Variants in SDAD1 observed in about 807,000 individuals in gnomAD.
The protein encoded by SDAD1 is protein SDA1 homolog.
SDAD1 carries 79 observed loss-of-function variants against 100.3 expected under a neutral mutation model. The ratio of observed to expected loss-of-function variants is 0.79; its 90% CI spans 0.66 to 0.95. The LOEUF (loss-of-function observed/expected upper bound fraction) is 0.95, where lower values mean the gene tolerates loss of function less well. Ranked by LOEUF, SDAD1 falls within the 40% of genes least tolerant of loss-of-function variation. The pLI is 0.00. For synonymous variants in SDAD1, 267 were observed against 271.4 expected, an observed-to-expected ratio of 0.98 and a Z score of 0.16; for missense variants, 790 against 810.9, an observed-to-expected ratio of 0.97 and a Z score of 0.31.
intron 1 of SDAD1, among the ~76,000 whole-genome samples, chr4:75,990,113 A>G (rs1731152619): frequency 6.6e-6 from 1 of 152,186 alleles, no homozygotes; most frequent in Admixed American, 6.5e-5. Context: ...AACTTACATG[A>G]GGTCAGTACA....
At chr4:75,973,986 C>A in intron 7 of SDAD1, 90 bp downstream of exon 7, 1 of 1,060,964 alleles carries the variant, frequency 9.4e-7, no homozygotes, top group Non-Finnish European at 1.5e-6. Flanking sequence ...TGCAGGCATG[C>A]AGTTTATGCT....
intron 21 of SDAD1, among the ~76,000 whole-genome samples, chr4:75,953,338 A>AT (rs1468438079): frequency 2.0e-5 from 3 of 152,244 alleles, no homozygotes; most frequent in Non-Finnish European, 4.4e-5. Flanking sequence ...TAACTAAAAT[A>AT]TAACAAGCTC....
chr4:75,981,905 G>T, intron 2 of SDAD1, 28 bp downstream of exon 2: 2 of 1,432,336 alleles, frequency 1.4e-6, no homozygotes, highest in Non-Finnish European at 2.0e-6. Context: ...GTTAATACTG[G>T]TCTTTATTTA....
intron 3 of SDAD1, among the ~76,000 whole-genome samples, chr4:75,979,617 G>A (rs1006552887): frequency 3.3e-5 from 5 of 151,682 alleles, no homozygotes; most frequent in South Asian, 2.1e-4. Context: ...CACCATGCCC[G>A]GCTTATTTTG....
Position 75,960,154 on chromosome 4 carries a change from T to G in SDAD1, c.1395A>C (p.Gln465His). 1 of 1,610,824 alleles carries G rather than the reference T, an allele frequency of 6.2e-7. No individual in the cohort carries two copies. The highest frequency in any genetic ancestry group is 8.5e-7 in the Non-Finnish European group (1 of 1,178,988). Residue 465 changes from glutamine (Q) to histidine (H), a missense_variant, in exon 17 of 22, where the codon CAA becomes CAC. Coordinates refer to ENST00000356260, the MANE Select transcript of SDAD1 (RefSeq NM_018115.4). ...CTTTAGCATCTAATTCTCCATATTC[T>G]TGTACTCTTGCTTCTATGGAGGCCT... The part of the protein sequence containing the change: ...PTEASIEARV[Q>H]EYGELDAKDY...
intron 12 of SDAD1, among the ~76,000 whole-genome samples, chr4:75,966,267 TACAC>T (rs375225256): frequency 0.14 from 20,120 of 139,050 alleles, 1,425 homozygotes; most frequent in Admixed American, 0.2. Context: ...AATGAATGCA[TACAC>T]ACACACACAC....
chr4:75,951,560 A>C (rs534323136), intron 21 of SDAD1, among the ~76,000 whole-genome samples: 5 of 152,336 alleles, frequency 3.3e-5, no homozygotes, highest in Non-Finnish European at 5.9e-5. Context: ...GTATATCATA[A>C]TGAGACTCAG....
intron 14 of SDAD1, 80 bp downstream of exon 14, chr4:75,964,055 C>A: frequency 1.1e-6 from 1 of 917,068 alleles, no homozygotes. Context: ...CTACCAGCTA[C>A]AATCTTACAT....
intron 17 of SDAD1, 29 bp from the exon 18 acceptor site, chr4:75,957,970 CCATTTTATGTTGCA>C: frequency 6.4e-7 from 1 of 1,558,774 alleles, no homozygotes; most frequent in Non-Finnish European, 8.8e-7. Context: ...CCCACTACTG[CCATTTTATGTTGCA>C]CATTCAACAT....
chr4:75,958,100 G>A (rs1199261658), intron 17 of SDAD1, among the ~76,000 whole-genome samples, 159 bp from the exon 18 acceptor site: 1 of 152,172 alleles, frequency 6.6e-6, no homozygotes, highest in Non-Finnish European at 1.5e-5. Context: ...TGTGCCTTTA[G>A]TTAATCTAAG....
intron 1 of SDAD1, among the ~76,000 whole-genome samples, chr4:75,990,197 T>C (rs1000980968): frequency 2.0e-5 from 3 of 151,952 alleles, no homozygotes; most frequent in Non-Finnish European, 4.4e-5. Context: ...ATCCGAGTCA[T>C]GCCAGTCTCC....
chr4:75,950,792 T>C lies in SDAD1; in HGVS notation c.2022A>G (p.Ala674=). Reference sequence around the variant, plus strand: ...TCTTTTTCAAAAGTGCATCTCGTAGTGCCAACTGTAAGATAAAAAAGTATT... The same window carrying C: ...TCTTTTTCAAAAGTGCATCTCGTAGCGCCAACTGTAAGATAAAAAAGTATT... ...NKRSFREKQL[A]LRDALLKKRK... is the part of the protein sequence containing the mutation. Residue 674 remains alanine, a synonymous_variant, in exon 22 of 22, where the codon GCA becomes GCG. Coordinates refer to ENST00000356260, the MANE Select transcript of SDAD1 (RefSeq NM_018115.4). The C allele has an allele frequency of 6.3e-7, 1 of 1,584,712 alleles. No individual in the cohort carries two copies. The highest frequency in any genetic ancestry group is 8.6e-7 in the Non-Finnish European group (1 of 1,157,412).
chr4:75,951,723 A>G (rs1264803377), intron 21 of SDAD1, among the ~76,000 whole-genome samples: 1 of 152,192 alleles, frequency 6.6e-6, no homozygotes, highest in East Asian at 1.9e-4. Flanking sequence ...GCCCTTATAA[A>G]GTTTTACATG....
Position 75,975,910 on chromosome 4 carries a change from A to C in SDAD1, c.477+14T>G. 1 of 1,601,112 alleles carries C rather than the reference A, an allele frequency of 6.2e-7. No individual in the cohort carries two copies. The highest frequency in any genetic ancestry group is 1.1e-5 in the South Asian group (1 of 90,772). The stretch of plus-strand genomic sequence containing the variant: ...GTACAATGCTGCAAACATGGAAGAC[A>C]GAAGAGTACTTACTACATTCACTTT... On this transcript the variant is annotated intron_variant, in intron 5 of 21. Coordinates refer to ENST00000356260, the MANE Select transcript of SDAD1 (RefSeq NM_018115.4).
At chr4:75,976,029 C>T (rs1183864250) in intron 4 of SDAD1, 34 bp from the exon 5 acceptor site, 3 of 1,344,564 alleles carry the variant, frequency 2.2e-6, no homozygotes, top group Admixed American at 3.5e-5. Flanking sequence ...ATACATTAAA[C>T]CTAACCAACA....
chr4:75,962,069 C>A (rs1397395700), intron 14 of SDAD1, among the ~76,000 whole-genome samples: 1 of 152,192 alleles, frequency 6.6e-6, no homozygotes, highest in Non-Finnish European at 1.5e-5. Context: ...CCACGACAGG[C>A]CCCGGTGTGT....
At position 75,977,856 on chromosome 4, in the gene SDAD1, A is replaced by G. The variant is rs1019672297; in HGVS notation, c.295-100T>C. On this transcript the variant is annotated intron_variant, in intron 3 of 21. Transcript: ENST00000356260. Reference sequence around the variant, plus strand: ...AAGACCTTAATGTCTTTTACTAACTAGACACTATTGTAGGATTCAGAATAG... The same window carrying G: ...AAGACCTTAATGTCTTTTACTAACTGGACACTATTGTAGGATTCAGAATAG... 4.3e-6 allele frequency: 3 copies of G among 697,872 alleles called. No homozygotes were observed. In the African/African-American group the frequency reaches 5.4e-5, roughly 13 times the overall value. The allele number at this position is 697,872 out of a possible 1,614,324, so 43.2% of individuals were successfully genotyped here.
chr4:75,964,159 T>C lies in SDAD1; in HGVS notation c.1157A>G (p.Asn386Ser), dbSNP rs758502925. ...CCCTACTGTCATGACTTCTCCAGAG[T>C]TCTTGTCGGTAACAAAATTGTTTGC... ...TVANNFVTDK[N>S]SGEVMTVGIN... The change falls in exon 14 of 22, where the codon AAC (asparagine) becomes AGC (serine). Residue 386 changes from asparagine (N) to serine (S), a missense_variant. Physicochemically the swap from Asn to Ser is conservative, Grantham distance 46 (BLOSUM62 1). Coordinates refer to ENST00000356260, the MANE Select transcript of SDAD1 (RefSeq NM_018115.4). 1.4e-5 allele frequency: 22 copies of C among 1,609,530 alleles called. No individual in the cohort carries two copies. Among genetic ancestry groups the C allele is most frequent in the Non-Finnish European group, 1.7e-5 (20 of 1,178,604 alleles).
At chr4:75,965,695 CCCTGAAGTACCTAACAGTAACACTGTCAT>C in intron 13 of SDAD1, 40 bp downstream of exon 13, 1 of 1,303,400 alleles carries the variant, frequency 7.7e-7, no homozygotes, top group East Asian at 2.3e-5. Context: ...CCCCGATAGA[CCCTGAAGTACCTAACAGTAACACTGTCAT>C]CCATGCCCTA....
Sources: gnomAD v4.1 joint callset for allele counts (sites outside exome capture counted in the v4.1 genomes callset) on GRCh38, gnomAD v4.1.1 for gene constraint, MANE v1.5 for transcripts, NCBI Gene and HGNC (gene_info 2026-07-23, HGNC 2026-07-21) for gene names.